The following UGT8 variants were observed in gnomAD, a reference collection of about 807,000 sequenced individuals.
The protein encoded by UGT8 is 2-hydroxyacylsphingosine 1-beta-galactosyltransferase.
UGT8 carries 12 observed loss-of-function variants against 40.5 expected under a neutral mutation model. That is an observed-to-expected ratio of 0.30 (90% CI 0.19 to 0.48). The LOEUF is 0.48. UGT8 is among the 20% of genes least tolerant of loss of function. The probability of loss-of-function intolerance (pLI) is 0.99; values close to 1 mark genes in which losing one functional copy is unlikely to be tolerated. For synonymous variants in UGT8, 224 were observed against 240.4 expected, an observed-to-expected ratio of 0.93 and a Z score of 0.63; for missense variants, 513 against 648.7, an observed-to-expected ratio of 0.79 and a Z score of 2.27.
At chr4:114,651,601 A>T (rs991914787) in intron 2 of UGT8, among the ~76,000 whole-genome samples, 1 of 152,090 alleles carries the variant, frequency 6.6e-6, no homozygotes. Context: ...AAGCTCTTTA[A>T]CATGCTCACT....
intron 1 of UGT8, 100 bp from the exon 2 acceptor site, chr4:114,622,769 TAGACAAAGTA>T: frequency 9.6e-7 from 1 of 1,045,836 alleles, no homozygotes; most frequent in Non-Finnish European, 1.3e-6. Context: ...ATTTTTTTTT[TAGACAAAGTA>T]TTAGATCAGA....
intron 2 of UGT8, among the ~76,000 whole-genome samples, chr4:114,662,587 A>G (rs1378304148): frequency 6.6e-6 from 1 of 152,046 alleles, no homozygotes; most frequent in Admixed American, 6.5e-5. Flanking sequence ...AGAAGGATGT[A>G]CCTCCTTTCT....
intron 5 of UGT8, among the ~76,000 whole-genome samples, chr4:114,675,577 A>G (rs1165028300): frequency 1.3e-5 from 2 of 150,866 alleles, no homozygotes; most frequent in African/African-American, 4.9e-5. Context: ...CGTCTCTACT[A>G]AAAATACAAA....
At chr4:114,659,352 ATTACT>A (rs1024815887) in intron 2 of UGT8, among the ~76,000 whole-genome samples, 1 of 152,196 alleles carries the variant, frequency 6.6e-6, no homozygotes, top group African/African-American at 2.4e-5. Context: ...TATAAACAAA[ATTACT>A]TTATAGATAT....
In UGT8 at chr4:114,623,241, C is replaced by T. The variant is rs1213400141; in HGVS notation, c.361C>T (p.His121Tyr). ...TKNCDLMVGN[H>Y]ALIQGLKKEK... ...GAACTGTGACCTGATGGTTGGCAAC[C>T]ATGCCCTGATCCAGGGTCTGAAGAA... is the stretch of plus-strand genomic sequence containing the variant. Residue 121 changes from histidine (H) to tyrosine (Y), a missense_variant, in exon 2 of 6, where the codon CAT becomes TAT. Coordinates refer to ENST00000310836, the MANE Select transcript of UGT8 (RefSeq NM_001128174.3). 2.5e-6 allele frequency: 4 copies of T among 1,614,158 alleles called. No homozygotes were observed. The South Asian group carries it at 3.3e-5, about 13-fold the overall frequency.
intron 2 of UGT8, among the ~76,000 whole-genome samples, chr4:114,652,438 T>C (rs1290431361): frequency 1.3e-5 from 2 of 151,872 alleles, no homozygotes; most frequent in African/African-American, 2.4e-5. Flanking sequence ...AACTTGAGCA[T>C]TGGCATTGAG....
At chr4:114,661,623 C>G (rs1734545098) in intron 2 of UGT8, among the ~76,000 whole-genome samples, 1 of 152,168 alleles carries the variant, frequency 6.6e-6, no homozygotes, top group African/African-American at 2.4e-5. Flanking sequence ...ACCAAATGTT[C>G]TGTGAATTTA....
intron 1 of UGT8, among the ~76,000 whole-genome samples, chr4:114,600,058 C>T (rs1438914687): frequency 6.6e-6 from 1 of 152,084 alleles, no homozygotes; most frequent in East Asian, 1.9e-4. Flanking sequence ...AGGTAGAGAA[C>T]TTCTGAGAGA....
chr4:114,608,824 C>T (rs1241666825), intron 1 of UGT8, among the ~76,000 whole-genome samples: 3 of 152,000 alleles, frequency 2.0e-5, no homozygotes, highest in African/African-American at 4.8e-5. Context: ...TGTAAGTATG[C>T]CTAATGTCAT....
intron 2 of UGT8, among the ~76,000 whole-genome samples, chr4:114,643,024 A>C (rs1213589093): frequency 6.6e-6 from 1 of 152,130 alleles, no homozygotes; most frequent in African/African-American, 2.4e-5. Flanking sequence ...AAGAAGAACA[A>C]AGGCTTTTTT....
At chr4:114,606,189 A>G (rs1438823019) in intron 1 of UGT8, among the ~76,000 whole-genome samples, 1 of 152,206 alleles carries the variant, frequency 6.6e-6, no homozygotes, top group African/African-American at 2.4e-5. Flanking sequence ...TTAAGTCTTA[A>G]TCTGATTCTC....
chr4:114,668,423 T>C (rs1490592209), intron 5 of UGT8, 119 bp downstream of exon 5: 4 of 875,832 alleles, frequency 4.6e-6, no homozygotes, highest in Non-Finnish European at 5.2e-6. Context: ...TCCTTTAGAT[T>C]CCTGTGATAA....
At chr4:114,643,089 A>G (rs530522433) in intron 2 of UGT8, among the ~76,000 whole-genome samples, 1 of 152,288 alleles carries the variant, frequency 6.6e-6, no homozygotes, top group Non-Finnish European at 1.5e-5. Context: ...TGAAGGTCCA[A>G]GGTAAAAACT....
intron 2 of UGT8, among the ~76,000 whole-genome samples, chr4:114,658,575 A>G (rs1309896186): frequency 6.6e-6 from 1 of 152,206 alleles, no homozygotes; most frequent in Non-Finnish European, 1.5e-5. Context: ...AGAATCCAGG[A>G]TAGCAAGGAT....
chr4:114,650,871 T>C (rs1005590655), intron 2 of UGT8, among the ~76,000 whole-genome samples: 2 of 152,094 alleles, frequency 1.3e-5, no homozygotes, highest in African/African-American at 4.8e-5. Flanking sequence ...TCTGCAGATA[T>C]GCAAGTTTTT....
chr4:114,646,072 T>C (rs1733551899), intron 2 of UGT8, among the ~76,000 whole-genome samples: 1 of 152,170 alleles, frequency 6.6e-6, no homozygotes, highest in Non-Finnish European at 1.5e-5. Context: ...TTTATTGATC[T>C]TTCAAAGTGA....
chr4:114,626,226 A>T (rs1732211566), intron 2 of UGT8, among the ~76,000 whole-genome samples: 1 of 152,132 alleles, frequency 6.6e-6, no homozygotes, highest in South Asian at 2.1e-4. Context: ...TTTCTAGTAG[A>T]TTTATTTGAG....
At chr4:114,609,815 C>T (rs1180960804) in intron 1 of UGT8, among the ~76,000 whole-genome samples, 1 of 152,128 alleles carries the variant, frequency 6.6e-6, no homozygotes, top group Non-Finnish European at 1.5e-5. Flanking sequence ...ACTACTCCAT[C>T]CAAAGGGAGA....
chr4:114,624,847 A>G (rs1732090546), intron 2 of UGT8, among the ~76,000 whole-genome samples: 1 of 152,154 alleles, frequency 6.6e-6, no homozygotes, highest in Non-Finnish European at 1.5e-5. Context: ...TTTCAAATAT[A>G]TACAGCCACT....
Sources: gnomAD v4.1 joint callset for allele counts (sites outside exome capture counted in the v4.1 genomes callset) on GRCh38, gnomAD v4.1.1 for gene constraint, MANE v1.5 for transcripts, NCBI Gene and HGNC (gene_info 2026-07-23, HGNC 2026-07-21) for gene names.